TMEM132D: variants seen among roughly 807,000 people sequenced by gnomAD.
TMEM132D encodes transmembrane protein 132D.
Under a neutral mutation model 62.3 loss-of-function variants are expected in TMEM132D, and 21 were observed. The ratio of observed to expected loss-of-function variants is 0.34; its 90% CI spans 0.24 to 0.49. The LOEUF (loss-of-function observed/expected upper bound fraction) is 0.49. Among genes scored for constraint, TMEM132D ranks in the 20% least tolerant of loss-of-function variants. The pLI, the probability that TMEM132D is intolerant of heterozygous loss-of-function variation, is 0.99. For synonymous variants in TMEM132D, 621 were observed against 575.6 expected, an observed-to-expected ratio of 1.08 and a Z score of -1.13; for missense variants, 1,346 against 1,402.8, an observed-to-expected ratio of 0.96 and a Z score of 0.65.
intron 3 of TMEM132D, among the ~76,000 whole-genome samples, chr12:129,479,647 A>G (rs1009765752): frequency 2.0e-5 from 3 of 151,876 alleles, no homozygotes; most frequent in African/African-American, 7.3e-5. Flanking sequence ...AGAAGCTGAT[A>G]GTGTCATAAA....
At chr12:129,259,791 G>A (rs1374446498) in intron 4 of TMEM132D, among the ~76,000 whole-genome samples, 1 of 152,172 alleles carries the variant, frequency 6.6e-6, no homozygotes, top group African/African-American at 2.4e-5. Flanking sequence ...ACATTATTTA[G>A]GAGCAAAGCT....
At chr12:129,227,845 G>A (rs778813098) in intron 4 of TMEM132D, among the ~76,000 whole-genome samples, 39 of 152,138 alleles carry the variant, frequency 2.6e-4, no homozygotes, top group Non-Finnish European at 4.4e-4. Context: ...GAGAATATGC[G>A]GTGTTTGGTT....
At chr12:129,385,964 C>T (rs936483578) in intron 3 of TMEM132D, among the ~76,000 whole-genome samples, 5 of 152,286 alleles carry the variant, frequency 3.3e-5, no homozygotes, top group Non-Finnish European at 5.9e-5. Context: ...CCACTGCAGA[C>T]GGGGCACCTT....
intron 2 of TMEM132D, 105 bp from the exon 3 acceptor site, chr12:129,531,310 G>A: frequency 1.5e-6 from 2 of 1,374,596 alleles, no homozygotes; most frequent in East Asian, 2.3e-5. Flanking sequence ...TGCCTGGCAG[G>A]TGTAAGCTCA....
intron 1 of TMEM132D, among the ~76,000 whole-genome samples, chr12:129,731,016 G>A (rs977085635): frequency 2.0e-5 from 3 of 152,074 alleles, no homozygotes; most frequent in Admixed American, 6.5e-5. Context: ...AATAAAATCC[G>A]CTTTATATAT....
chr12:129,807,173 CCATT>C (rs1872018785), intron 1 of TMEM132D, among the ~76,000 whole-genome samples: 1 of 152,194 alleles, frequency 6.6e-6, no homozygotes, highest in African/African-American at 2.4e-5. Flanking sequence ...CAGTGGATGT[CCATT>C]CAGTCACGAC....
At chr12:129,671,656 G>T (rs933206387) in intron 2 of TMEM132D, among the ~76,000 whole-genome samples, 1 of 152,138 alleles carries the variant, frequency 6.6e-6, no homozygotes, top group African/African-American at 2.4e-5. Context: ...CATGATGAGA[G>T]GTTGGGGTAG....
At chr12:129,556,319 A>G (rs959971506) in intron 2 of TMEM132D, among the ~76,000 whole-genome samples, 1 of 152,094 alleles carries the variant, frequency 6.6e-6, no homozygotes, top group Admixed American at 6.5e-5. Flanking sequence ...CCCTGCCAAC[A>G]CCTGCCCACC....
chr12:129,526,645 T>C (rs1409356959), intron 3 of TMEM132D, among the ~76,000 whole-genome samples: 2 of 152,226 alleles, frequency 1.3e-5, no homozygotes, highest in Non-Finnish European at 2.9e-5. Flanking sequence ...ATAAATCATG[T>C]TTCCTACTTT....
chr12:129,452,531 T>C (rs1043643730), intron 3 of TMEM132D, among the ~76,000 whole-genome samples: 4 of 152,154 alleles, frequency 2.6e-5, no homozygotes, highest in African/African-American at 9.7e-5. Flanking sequence ...CAACTGAGGG[T>C]CCCTGTCAAT....
chr12:129,571,519 C>T (rs1877513477), intron 2 of TMEM132D, among the ~76,000 whole-genome samples: 1 of 152,068 alleles, frequency 6.6e-6, no homozygotes, highest in African/African-American at 2.4e-5. Context: ...TTGCAGTGAG[C>T]TGAGACCACT....
intron 4 of TMEM132D, among the ~76,000 whole-genome samples, chr12:129,324,023 A>G (rs2135645239): frequency 6.6e-6 from 1 of 151,964 alleles, no homozygotes; most frequent in South Asian, 2.1e-4. Context: ...TTTTTGGCTG[A>G]GGATTTTCTT....
intron 2 of TMEM132D, among the ~76,000 whole-genome samples, chr12:129,612,499 G>A (rs1878803214): frequency 6.6e-6 from 1 of 152,102 alleles, no homozygotes; most frequent in Admixed American, 6.6e-5. Context: ...CTTCGACAGG[G>A]CAATTTCCTT....
intron 2 of TMEM132D, among the ~76,000 whole-genome samples, chr12:129,613,349 C>T (rs749582166): frequency 3.3e-5 from 5 of 152,104 alleles, no homozygotes; most frequent in African/African-American, 7.2e-5. Flanking sequence ...TTGATGGAGC[C>T]GCTCCTCTAT....
intron 3 of TMEM132D, among the ~76,000 whole-genome samples, chr12:129,446,575 G>A (rs949321740): frequency 5.3e-5 from 8 of 152,132 alleles, no homozygotes; most frequent in Admixed American, 1.3e-4. Context: ...ATTTTGTCCC[G>A]TTAACACTTC....
chr12:129,685,568 C>T (rs1479452019), intron 2 of TMEM132D, among the ~76,000 whole-genome samples: 1 of 152,188 alleles, frequency 6.6e-6, no homozygotes, highest in African/African-American at 2.4e-5. Flanking sequence ...CATGGAGAAC[C>T]TCTGATAAGG....
At chr12:129,704,578 T>C (rs1881458692) in intron 1 of TMEM132D, among the ~76,000 whole-genome samples, 1 of 152,158 alleles carries the variant, frequency 6.6e-6, no homozygotes. Flanking sequence ...CCAGTGCCCA[T>C]GTGGCCCCTG....
intron 3 of TMEM132D, among the ~76,000 whole-genome samples, chr12:129,481,494 A>T (rs1874429088): frequency 6.6e-6 from 1 of 151,564 alleles, no homozygotes; most frequent in South Asian, 2.1e-4. Flanking sequence ...CAAAACTGTA[A>T]GACAAACTAA....
chr12:129,622,398 G>C (rs1324979731), intron 2 of TMEM132D, among the ~76,000 whole-genome samples: 1 of 152,104 alleles, frequency 6.6e-6, no homozygotes, highest in Non-Finnish European at 1.5e-5. Context: ...GGAATCCTTG[G>C]ATATCTAATA....
Sources: allele counts gnomAD v4.1 joint callset (sites outside exome capture counted in the v4.1 genomes callset), GRCh38; gene constraint gnomAD v4.1.1; transcripts MANE v1.5; gene names NCBI Gene and HGNC (gene_info 2026-07-23, HGNC 2026-07-21).